ACCSL: variants seen among roughly 807,000 people sequenced by gnomAD.
ACCSL encodes the protein probable inactive 1-aminocyclopropane-1-carboxylate synthase-like protein 2.
A neutral mutation model predicts 61.7 loss-of-function variants in ACCSL; 55 were observed. The ratio of observed to expected loss-of-function variants is 0.89; its 90% confidence interval spans 0.72 to 1.12. ACCSL has a LOEUF of 1.12. Ranked by LOEUF, ACCSL falls within the 50% of genes most tolerant of loss-of-function variation. The pLI, the probability that ACCSL is intolerant of heterozygous loss-of-function variation, is 0.00. For missense variants in ACCSL, 632 were observed against 698.0 expected (o/e 0.91, Z 1.07); for synonymous variants, 258 against 264.3 (o/e 0.98, Z 0.23).
At chr11:43,921,258 T>G in the ACCSL span, 2 of 152,226 alleles carry the variant, frequency 1.3e-5, no homozygotes, top group Non-Finnish European at 2.9e-5. Flanking sequence ...TGCCAAAGGC[T>G]GGGCATGCTC....
chr11:44,010,760 G>T, the ACCSL span, among the ~76,000 whole-genome samples: 4 of 152,304 alleles, frequency 2.6e-5, no homozygotes, highest in Non-Finnish European at 4.4e-5. Context: ...CTGAGAAGTT[G>T]TCTGGTCTGG....
the ACCSL span, among the ~76,000 whole-genome samples, chr11:44,042,495 T>TTTTTA: frequency 6.6e-6 from 1 of 151,296 alleles, no homozygotes; most frequent in African/African-American, 2.4e-5. Context: ...TTTATTTTTA[T>TTTTTA]TTTTTTTTGT....
Position 44,055,903 on chromosome 11 carries a change from C to T in ACCSL, c.1140-137C>T, listed in dbSNP as rs1325654875. 5 of 981,728 alleles carry T rather than the reference C, an allele frequency of 5.1e-6. No individual in the cohort carries two copies. In the East Asian group the frequency reaches 1.0e-4, roughly 20 times the overall value. 60.8% of individuals were successfully genotyped at this position (981,728 alleles called of 1,614,324 possible). A position where few individuals can be genotyped will look rare whatever the true frequency, so the allele number is the denominator to read the frequency against. On this transcript the variant is annotated intron_variant, in intron 9 of 13. Coordinates refer to ENST00000378832, the MANE Select transcript of ACCSL (RefSeq NM_001031854.2). The stretch of plus-strand genomic sequence containing the variant: ...TGTTGACTTCCTGGCTTAACTGGGA[C>T]AACTGTTTCTTGAGCTTTGGGCCCT...
At chr11:44,016,729 A>G in the ACCSL span, among the ~76,000 whole-genome samples, 2 of 152,120 alleles carry the variant, frequency 1.3e-5, no homozygotes, top group African/African-American at 4.8e-5. Context: ...GCAGACAAGT[A>G]TGTGGACTCC....
At chr11:43,955,154 A>C in the ACCSL span, among the ~76,000 whole-genome samples, 1 of 152,268 alleles carries the variant, frequency 6.6e-6, no homozygotes, top group African/African-American at 2.4e-5. Context: ...GACTACAGTG[A>C]AGACTGCTAA....
chr11:43,984,804 AG>A, the ACCSL span, among the ~76,000 whole-genome samples: 1 of 152,212 alleles, frequency 6.6e-6, no homozygotes, highest in East Asian at 1.9e-4. Context: ...CTTGCCCAGC[AG>A]AGGGGAAATT....
the ACCSL span, among the ~76,000 whole-genome samples, chr11:43,979,828 C>G: frequency 1.4e-5 from 1 of 69,554 alleles, no homozygotes; most frequent in African/African-American, 6.1e-5. Flanking sequence ...GCCTGGGTGA[C>G]AAAGCAAGAC....
At chr11:44,005,477 C>T in the ACCSL span, among the ~76,000 whole-genome samples, 1 of 152,108 alleles carries the variant, frequency 6.6e-6, no homozygotes, top group Non-Finnish European at 1.5e-5. Flanking sequence ...CTCCTCGACT[C>T]AGGGGCTCTG....
At chr11:43,968,377 C>T in the ACCSL span, among the ~76,000 whole-genome samples, 537 of 152,178 alleles carry the variant, frequency 3.5e-3, 2 homozygotes, top group African/African-American at 0.012. Context: ...CCCCAACCCC[C>T]GCAAGCAATC....
chr11:43,974,136 G>C, the ACCSL span: 1 of 152,246 alleles, frequency 6.6e-6, no homozygotes, highest in Non-Finnish European at 1.5e-5. Context: ...CAGGCAGGAA[G>C]AGACCTCAAG....
chr11:44,055,657 G>C (rs916661932), intron 9 of ACCSL, among the ~76,000 whole-genome samples: 2 of 152,228 alleles, frequency 1.3e-5, no homozygotes, highest in African/African-American at 4.8e-5. Context: ...CAAAGCAAGG[G>C]AAGGAAATGC....
the ACCSL span, chr11:43,995,098 A>T: frequency 6.6e-6 from 1 of 151,218 alleles, no homozygotes; most frequent in Non-Finnish European, 1.5e-5. Context: ...CTGATATAAC[A>T]CTCTTCCTAG....
the ACCSL span, among the ~76,000 whole-genome samples, chr11:44,021,662 T>A: frequency 1.8e-4 from 27 of 152,222 alleles, no homozygotes; most frequent in Non-Finnish European, 2.8e-4. Flanking sequence ...TTGCATTTAC[T>A]TTTGGGTTCT....
At chr11:44,051,568 C>T (rs1302343943) in intron 4 of ACCSL, 85 bp from the exon 5 acceptor site, 16 of 1,570,360 alleles carry the variant, frequency 1.0e-5, no homozygotes, top group Non-Finnish European at 1.4e-5. Context: ...TGTGCCTGTT[C>T]TGCCCAGGGG....
At chr11:44,039,079 C>A in the ACCSL span, among the ~76,000 whole-genome samples, 1 of 151,918 alleles carries the variant, frequency 6.6e-6, no homozygotes, top group Non-Finnish European at 1.5e-5. Context: ...AATAGGTGCC[C>A]GGTGGATTGT....
the ACCSL span, among the ~76,000 whole-genome samples, chr11:44,023,056 TTTTTTTC>T: frequency 7.8e-6 from 1 of 127,444 alleles, no homozygotes; most frequent in Non-Finnish European, 1.7e-5. Context: ...TTTTTTTTTT[TTTTTTTC>T]GAGAAAGAGT....
At chr11:43,925,954 T>C in the ACCSL span, among the ~76,000 whole-genome samples, 1 of 152,196 alleles carries the variant, frequency 6.6e-6, no homozygotes, top group South Asian at 2.1e-4. Context: ...AACCCCAACC[T>C]TAATCCTTAT....
chr11:44,042,163 A>C, the ACCSL span, among the ~76,000 whole-genome samples: 6 of 152,342 alleles, frequency 3.9e-5, no homozygotes, highest in East Asian at 1.2e-3. Context: ...TCAAATCTTT[A>C]TCACTATTTA....
chr11:43,966,024 G>A, the ACCSL span, among the ~76,000 whole-genome samples: 1 of 152,150 alleles, frequency 6.6e-6, no homozygotes, highest in East Asian at 1.9e-4. Context: ...AGACATAAGG[G>A]TAAGTCTTCA....
Sources: gnomAD v4.1 joint callset for allele counts (sites outside exome capture counted in the v4.1 genomes callset) on GRCh38, gnomAD v4.1.1 for gene constraint, MANE v1.5 for transcripts, NCBI Gene and HGNC (gene_info 2026-07-23, HGNC 2026-07-21) for gene names.